The following SPATA17 variants were observed in gnomAD, a reference collection of about 807,000 sequenced individuals.
The protein encoded by SPATA17 is spermatogenesis associated 17, also known as spermatogenesis-associated protein 17.
Under a neutral mutation model 62.2 loss-of-function variants are expected in SPATA17, and 53 were observed. That is an observed-to-expected ratio of 0.85 (90% CI 0.68 to 1.07). SPATA17 has a LOEUF of 1.07. SPATA17 is among the 50% of genes least tolerant of loss of function. The pLI is 0.00. For synonymous variants in SPATA17, 146 were observed against 146.8 expected (o/e 0.99, Z 0.04); for missense variants, 466 against 425.5 (o/e 1.10, Z -0.84).
intron 5 of SPATA17, among the ~76,000 whole-genome samples, chr1:217,722,393 C>T (rs1672152730): frequency 6.6e-6 from 1 of 151,702 alleles, no homozygotes; most frequent in Non-Finnish European, 1.5e-5. Context: ...TTTATATCGG[C>T]TCCACATTAT....
At chr1:217,812,534 T>C (rs573133375) in intron 9 of SPATA17, among the ~76,000 whole-genome samples, 1 of 152,246 alleles carries the variant, frequency 6.6e-6, no homozygotes, top group East Asian at 1.9e-4. Flanking sequence ...ACTGCGCAAG[T>C]TAAGTTGTTA....
chr1:217,828,991 T>C (rs1473727399), intron 9 of SPATA17, among the ~76,000 whole-genome samples: 1 of 152,058 alleles, frequency 6.6e-6, no homozygotes, highest in Non-Finnish European at 1.5e-5. Flanking sequence ...ACACTGTTGA[T>C]GGAATGCCAA....
chr1:217,772,476 A>T (rs1673474851), intron 6 of SPATA17, among the ~76,000 whole-genome samples: 1 of 152,210 alleles, frequency 6.6e-6, no homozygotes, highest in African/African-American at 2.4e-5. Flanking sequence ...TTTGAGTTGG[A>T]GGTGACTCAA....
intron 1 of SPATA17, among the ~76,000 whole-genome samples, chr1:217,636,443 T>C (rs1028222994): frequency 6.6e-6 from 1 of 152,108 alleles, no homozygotes; most frequent in Non-Finnish European, 1.5e-5. Context: ...AGAGGGAGTC[T>C]CGCTCTGTTG....
intron 9 of SPATA17, among the ~76,000 whole-genome samples, chr1:217,803,058 G>T (rs994286496): frequency 1.3e-5 from 2 of 152,078 alleles, no homozygotes; most frequent in African/African-American, 4.8e-5. Context: ...GACTACAGGC[G>T]CATGCCACCA....
In SPATA17 at chr1:217,865,288, G is replaced by A. The variant is rs916791465; in HGVS notation, c.*3-1734G>A. 3.9e-5 allele frequency among the ~76,000 whole-genome samples: 6 copies of A among 152,084 alleles called. No homozygotes were observed. In the South Asian group the frequency reaches 1.2e-3, roughly 32 times the overall value. On this transcript the variant is annotated intron_variant, in intron 10 of 10. Coordinates refer to ENST00000366933, the MANE Select transcript of SPATA17 (RefSeq NM_138796.4). ...ACTTCACTATAATTCACCCGACATC[G>A]CCTTTTACACCCAATACTACATTTT...
chr1:217,850,385 A>T, intron 9 of SPATA17: 1 of 1,003,616 alleles, frequency 1.0e-6, no homozygotes, highest in Non-Finnish European at 1.5e-6. Flanking sequence ...AGCACTGCAA[A>T]TGCAAGACTG....
At chr1:217,668,003 A>G (rs1003391582) in intron 3 of SPATA17, among the ~76,000 whole-genome samples, 6 of 152,234 alleles carry the variant, frequency 3.9e-5, no homozygotes, top group Non-Finnish European at 7.3e-5. Context: ...TTCAAACAAC[A>G]CTAATTACAG....
intron 9 of SPATA17, among the ~76,000 whole-genome samples, chr1:217,818,123 T>C (rs1215579027): frequency 1.3e-5 from 2 of 152,070 alleles, no homozygotes; most frequent in Middle Eastern, 3.2e-3. Flanking sequence ...CTATTATTCA[T>C]TGCCAGTATT....
intron 5 of SPATA17, among the ~76,000 whole-genome samples, chr1:217,727,188 C>G (rs560416542): frequency 2.6e-5 from 4 of 151,330 alleles, no homozygotes; most frequent in African/African-American, 7.3e-5. Context: ...CGGAGGTTGC[C>G]GTCAGCGGAG....
At chr1:217,831,643 T>G (rs1675145039) in intron 9 of SPATA17, among the ~76,000 whole-genome samples, 1 of 152,198 alleles carries the variant, frequency 6.6e-6, no homozygotes, top group Non-Finnish European at 1.5e-5. Flanking sequence ...TGTACATTTA[T>G]TCAGTGTTTT....
Position 217,782,310 on chromosome 1 carries a change from T to A in SPATA17, c.860T>A (p.Val287Glu). Residue 287 changes from valine (V) to glutamate (E), a missense_variant, in exon 8 of 11, where the codon GTA becomes GAA. Coordinates refer to ENST00000366933, the MANE Select transcript of SPATA17 (RefSeq NM_138796.4). The part of the protein sequence containing the change: ...ELRREEWLQN[V>E]NDNMFLPFSS... Reference sequence around the variant, plus strand: ...AGAAGAGAGGAATGGCTGCAAAATGTAAATGACAATATGTGAGTTCTTAGC... The same window carrying A: ...AGAAGAGAGGAATGGCTGCAAAATGAAAATGACAATATGTGAGTTCTTAGC... 16 of 1,608,744 alleles carry A rather than the reference T, an allele frequency of 9.9e-6. No homozygotes were observed. Among genetic ancestry groups the A allele is most frequent in the Non-Finnish European group, 1.4e-5 (16 of 1,177,932 alleles).
At chr1:217,740,598 A>G (rs534562957) in intron 5 of SPATA17, among the ~76,000 whole-genome samples, 39 of 152,176 alleles carry the variant, frequency 2.6e-4, no homozygotes, top group Non-Finnish European at 4.7e-4. Context: ...GATCCTTTCA[A>G]TGGAAACAAA....
At chr1:217,817,797 C>T (rs566576506) in intron 9 of SPATA17, among the ~76,000 whole-genome samples, 23 of 152,128 alleles carry the variant, frequency 1.5e-4, no homozygotes, top group African/African-American at 4.6e-4. Flanking sequence ...TCTTGCCGTA[C>T]GTCTATAGGT....
intron 6 of SPATA17, among the ~76,000 whole-genome samples, chr1:217,757,485 G>A (rs1673075661): frequency 6.6e-6 from 1 of 152,164 alleles, no homozygotes; most frequent in Admixed American, 6.6e-5. Context: ...AGAGGTGCGG[G>A]GAAGGGGCTA....
intron 9 of SPATA17, among the ~76,000 whole-genome samples, chr1:217,853,759 T>C (rs1675715587): frequency 6.6e-6 from 1 of 152,198 alleles, no homozygotes; most frequent in Admixed American, 6.5e-5. Flanking sequence ...AAAAACACCC[T>C]AACTGACATA....
intron 1 of SPATA17, among the ~76,000 whole-genome samples, chr1:217,635,708 T>G (rs1339338228): frequency 6.6e-6 from 1 of 151,054 alleles, no homozygotes; most frequent in Admixed American, 6.6e-5. Context: ...AAATTCTGAT[T>G]GGCAAGTGGT....
chr1:217,729,846 A>T (rs1210795064), intron 5 of SPATA17, among the ~76,000 whole-genome samples: 1 of 152,182 alleles, frequency 6.6e-6, no homozygotes, highest in Non-Finnish European at 1.5e-5. Context: ...TACCTTTTAC[A>T]ATTTGGCATT....
At chr1:217,763,733 T>G (rs1170038100) in intron 6 of SPATA17, among the ~76,000 whole-genome samples, 1 of 152,126 alleles carries the variant, frequency 6.6e-6, no homozygotes, top group African/African-American at 2.4e-5. Context: ...ATGGTGGCCA[T>G]GGATATGAAT....
Sources: allele counts gnomAD v4.1 joint callset (sites outside exome capture counted in the v4.1 genomes callset), GRCh38; gene constraint gnomAD v4.1.1; transcripts MANE v1.5; gene names NCBI Gene and HGNC (gene_info 2026-07-23, HGNC 2026-07-21).